Variants in TTN observed in about 807,000 individuals in gnomAD.
TTN encodes the protein connectin.
In TTN, 1,525 loss-of-function variants were observed where a neutral mutation model predicts 3,223.0. The observed-to-expected ratio is 0.47, with a 90% CI of 0.45 to 0.49. The LOEUF is 0.49. Among genes scored for constraint, TTN ranks in the 20% least tolerant of loss-of-function variants. The pLI, the probability that TTN is intolerant of heterozygous loss-of-function variation, is 0.00. For missense variants in TTN, 40,786 were observed against 43,424.0 expected, an observed-to-expected ratio of 0.94 and a Z score of 5.40; for synonymous variants, 14,094 against 15,161.0, an observed-to-expected ratio of 0.93 and a Z score of 5.17.
chr2:178,538,456 C>T (rs757436009), intron 354 of TTN, 84 bp downstream of exon 354: 50 of 1,332,646 alleles, frequency 3.8e-5, no homozygotes, highest in Non-Finnish European at 5.0e-5. Context: ...TAAAGCTTTC[C>T]AGGGTTCTAC....
Position 178,712,153 on chromosome 2 carries a change from C to T in TTN, c.27677G>A (p.Cys9226Tyr), listed in dbSNP as rs369108107. 9.3e-6 allele frequency: 15 copies of T among 1,613,668 alleles called. No individual in the cohort carries two copies. In the Middle Eastern group the frequency reaches 4.9e-4, roughly 53 times the overall value. The change falls in exon 96 of 363, where the codon TGC becomes TAC. Residue 9226 changes from cysteine (C) to tyrosine (Y), a missense_variant. Cys to Tyr is a radical substitution (Grantham distance 194). Transcript: ENST00000589042. ...VSVGDSASLQCQLAGTPEIGV... is the reference protein window; with the variant it reads ...VSVGDSASLQYQLAGTPEIGV... ...AATTTCAGGGGTTCCAGCAAGCTGG[C>T]ATTGTAGAGAGGCAGAATCTCCAAC...
rs61216469 is a variant in TTN at position 178,637,146 on chromosome 2, GATATATATATATAT to G, written c.40927+209_40927+222del. ...GATTCACTATGCTAAAATATAGTTG[GATATATATATATAT>G]ATATATATATATATATATATATATA... On this transcript the variant is annotated intron_variant, in intron 224 of 362. Coordinates refer to ENST00000589042, the MANE Select transcript of TTN (RefSeq NM_001267550.2). Among the ~76,000 whole-genome samples, 443 of 49,196 alleles carry G rather than the reference GATATATATATATAT, an allele frequency of 9.0e-3. 10 individuals are homozygous for G. Among genetic ancestry groups the G allele is most frequent in the East Asian group, 0.049 (74 of 1,502 alleles). The allele number at this position is 49,196 out of a possible 152,430, so 32.3% of individuals were successfully genotyped here.
At position 178,588,304 on chromosome 2, in the gene TTN, A is replaced by T. The variant is rs534162659; in HGVS notation, c.63188-85T>A. On this transcript the variant is annotated intron_variant, in intron 304 of 362. Transcript: ENST00000589042. ...ATATAGCCTATTCTCAGTTAATCAA[A>T]TATAGGTCATCCAATTTTTCAATTA... is the stretch of plus-strand genomic sequence containing the variant. 5.6e-5 allele frequency: 73 copies of T among 1,299,078 alleles called. No homozygotes were observed. The East Asian group carries it at 1.8e-3, about 33-fold the overall frequency. The allele number at this position is 1,299,078 out of a possible 1,614,324, so 80.5% of individuals were successfully genotyped here.
chr2:178,664,149 T>C (rs2065403111), intron 168 of TTN, 51 bp from the exon 169 acceptor site: 2 of 1,512,830 alleles, frequency 1.3e-6, no homozygotes, highest in Admixed American at 2.0e-5. Context: ...GATTACTAGA[T>C]AGATACAAAG....
In TTN at chr2:178,680,244, C is replaced by T. The variant is rs763738984; in HGVS notation, c.33418+10G>A. The stretch of plus-strand genomic sequence containing the variant: ...ACGAACAAAACATTAAAATGAGTGC[C>T]ATTAGGTACCTCTAACAGGTGGTGC... On this transcript the variant is annotated intron_variant, in intron 139 of 362. Coordinates refer to ENST00000589042, the MANE Select transcript of TTN (RefSeq NM_001267550.2). The T allele has an allele frequency of 4.3e-6, 7 of 1,610,986 alleles. No individual in the cohort carries two copies. In the East Asian group the frequency reaches 1.6e-4, roughly 36 times the overall value.
At position 178,624,537 on chromosome 2, in the gene TTN, T is replaced by C. The variant is rs878854310; in HGVS notation, c.44743A>G (p.Thr14915Ala). ...RVRKLVIHDC[T>A]PEDIKTYTCD... ...GTGTATGTTTTAATATCCTCTGGGGTACAGTCATGTATAACAAGTTTTCTG... is the reference window on the plus strand; with the variant it reads ...GTGTATGTTTTAATATCCTCTGGGGCACAGTCATGTATAACAAGTTTTCTG... Residue 14915 changes from threonine (T) to alanine (A), a missense_variant, in exon 242 of 363, where the codon ACC becomes GCC. Transcript: ENST00000589042. 2.5e-6 allele frequency: 4 copies of C among 1,612,764 alleles called. No homozygotes were observed. Among genetic ancestry groups the C allele is most frequent in the Non-Finnish European group, 2.5e-6 (3 of 1,179,194 alleles).
At chr2:178,528,469 G>C in intron 360 of TTN, 42 bp from the exon 361 acceptor site, 1 of 1,603,164 alleles carries the variant, frequency 6.2e-7, no homozygotes, top group East Asian at 2.2e-5. Flanking sequence ...AAGTTCTTCA[G>C]ATGTGGAAGA....
At chr2:178,730,038 C>A in intron 62 of TTN, 55 bp downstream of exon 62, 1 of 1,591,072 alleles carries the variant, frequency 6.3e-7, no homozygotes, top group South Asian at 1.1e-5. Flanking sequence ...CCCCGGCCCA[C>A]CCCAGGCAAG....
At chr2:178,664,135 C>G in intron 168 of TTN, 37 bp from the exon 169 acceptor site, 1 of 1,557,706 alleles carries the variant, frequency 6.4e-7, no homozygotes, top group Non-Finnish European at 8.7e-7. Context: ...TCAGAAAATA[C>G]AGAGATTACT....
Position 178,576,741 on chromosome 2 carries a change from C to T in TTN, c.69503G>A (p.Gly23168Asp). 6.2e-7 allele frequency: 1 copy of T among 1,613,474 alleles called. No homozygotes were observed. The highest frequency in any genetic ancestry group is 8.5e-7 in the Non-Finnish European group (1 of 1,179,612). ...TACATGATATCCTGTAATTTCGCTG[C>T]CACCATCATCCACTGGCCTTTTCCA... Reference protein sequence around the residue: ...VSWKRPVDDGGSEITGYHVER... With the variant: ...VSWKRPVDDGDSEITGYHVER... The change falls in exon 325 of 363, where the codon GGC (glycine) becomes GAC (aspartate). Residue 23168 changes from glycine (G) to aspartate (D), a missense_variant. Physicochemically the swap from Gly to Asp is moderately conservative, Grantham distance 94 (BLOSUM62 -1). Coordinates refer to ENST00000589042, the MANE Select transcript of TTN (RefSeq NM_001267550.2). This position sits in a 1 kb window ranked among gnomAD's most constrained non-coding sequence, Gnocchi z 4.3.
At chr2:178,696,387 G>GTT (rs76637698) in intron 113 of TTN, 118 bp from the exon 114 acceptor site, 1,439 of 698,386 alleles carry the variant, frequency 2.1e-3, no homozygotes, top group South Asian at 3.6e-3. Flanking sequence ...TTGATAATTT[G>GTT]TTTTTTTTTT....
chr2:178,601,118 C>T lies in TTN; in HGVS notation c.55786G>A (p.Val18596Met), dbSNP rs777489999. 6.3e-7 allele frequency: 1 copy of T among 1,580,818 alleles called. No individual in the cohort carries two copies. Among genetic ancestry groups the T allele is most frequent in the Non-Finnish European group, 8.6e-7 (1 of 1,164,824 alleles). ...TTCGGGGGTTTCCATGACAGATGCA[C>T]TGTGTTCTTTGTGATGAGGCCAATC... ...LKIGLITKNT[V>M]HLSWKPPKND... The change falls in exon 288 of 363, where the codon GTG becomes ATG. Residue 18596 changes from valine (V) to methionine (M), a missense_variant. Physicochemically the swap from Val to Met is conservative, Grantham distance 21. Coordinates refer to ENST00000589042, the MANE Select transcript of TTN (RefSeq NM_001267550.2).
intron 41 of TTN, 36 bp from the exon 42 acceptor site, chr2:178,764,847 G>T: frequency 1.2e-6 from 2 of 1,610,566 alleles, no homozygotes; most frequent in Non-Finnish European, 1.7e-6. Flanking sequence ...CCATGAAAAA[G>T]TGTAAAAACA....
Position 178,739,426 on chromosome 2 carries a change from C to T in TTN, c.13807G>A (p.Glu4603Lys). 6.2e-7 allele frequency: 1 copy of T among 1,613,822 alleles called. No homozygotes were observed. The highest frequency in any genetic ancestry group is 2.2e-5 in the East Asian group (1 of 44,846). Reference sequence around the variant, plus strand: ...GGTGTATGTATCATGGGGCCATCCTCTTTGATTAAGCCACCCTCAGCTTCC... The same window carrying T: ...GGTGTATGTATCATGGGGCCATCCTTTTTGATTAAGCCACCCTCAGCTTCC... Reference protein sequence around the residue: ...IQEAEGGLIKEDGPMIHTPLV... With the variant: ...IQEAEGGLIKKDGPMIHTPLV... Residue 4603 changes from glutamate to lysine, a missense_variant, in exon 48 of 363, where the codon GAG (glutamate) becomes AAG (lysine). Physicochemically the swap from Glu to Lys is moderately conservative, Grantham distance 56. Coordinates refer to ENST00000589042, the MANE Select transcript of TTN (RefSeq NM_001267550.2).
intron 217 of TTN, 148 bp from the exon 218 acceptor site, chr2:178,644,764 G>A (rs2061673074): frequency 3.6e-6 from 2 of 561,806 alleles, no homozygotes; most frequent in South Asian, 5.5e-5. Flanking sequence ...GAACATACAA[G>A]CAGCATTCGA....
intron 43 of TTN, among the ~76,000 whole-genome samples, chr2:178,763,027 T>C (rs2089609249): frequency 6.6e-6 from 1 of 152,142 alleles, no homozygotes; most frequent in East Asian, 1.9e-4. Flanking sequence ...CTTGACAAGG[T>C]AGAGATTGGA....
chr2:178,683,045 C>T, intron 134 of TTN, 142 bp from the exon 135 acceptor site: 1 of 1,010,850 alleles, frequency 9.9e-7, no homozygotes, highest in Non-Finnish European at 1.5e-6. Context: ...CTTTTTTGGC[C>T]AGTCAAGGTA....
rs1220633240 is a variant in TTN at position 178,547,814 on chromosome 2, G to T, written c.93812C>A (p.Thr31271Asn). 5.0e-6 allele frequency: 8 copies of T among 1,613,698 alleles called. No homozygotes were observed. The African/African-American group carries it at 8.0e-5, about 16-fold the overall frequency. ...CATGCTGTCCTTTACAGTCAGTGTG[G>T]TTCTGTCTTTTGTTGTTGTAATGCT... ...RVSITTTKDR[T>N]TLTVKDSMRG... The change falls in exon 339 of 363, where the codon ACC (threonine) becomes AAC (asparagine). Residue 31271 changes from threonine (T) to asparagine (N), a missense_variant. Transcript: ENST00000589042.
rs200423910 is a variant in TTN, at chr2:178,718,898, A to T, written c.24302T>A (p.Ile8101Asn). ...PGMSLTFTSVIRGTPPFKVKW... is the reference protein window; with the variant it reads ...PGMSLTFTSVNRGTPPFKVKW... ...GACCTTGAAAGGAGGGGTGCCTCTG[A>T]TGACACTGGTGAATGTGAGGCTCAT... The change falls in exon 84 of 363, where the codon ATC becomes AAC. Residue 8101 changes from isoleucine (I) to asparagine (N), a missense_variant. Ile to Asn is a moderately radical substitution (Grantham distance 149). Transcript: ENST00000589042. The T allele has an allele frequency of 1.2e-5, 19 of 1,613,356 alleles. No homozygotes were observed. The highest frequency in any genetic ancestry group is 1.5e-5 in the Non-Finnish European group (18 of 1,179,658).
Sources: allele counts gnomAD v4.1 joint callset (sites outside exome capture counted in the v4.1 genomes callset), GRCh38; gene constraint gnomAD v4.1.1; non-coding constraint Gnocchi (gnomAD v3.1); transcripts MANE v1.5; gene names NCBI Gene and HGNC (gene_info 2026-07-23, HGNC 2026-07-21).